The following SPARCL1 variants were observed in gnomAD, a reference collection of about 807,000 sequenced individuals.
The protein encoded by SPARCL1 is SPARC-like protein 1.
A neutral mutation model predicts 67.1 loss-of-function variants in SPARCL1; 52 were observed. The ratio of observed to expected loss-of-function variants is 0.78; its 90% CI spans 0.62 to 0.98. The LOEUF is 0.98. Among genes scored for constraint, SPARCL1 ranks in the 50% least tolerant of loss-of-function variants. The pLI, the probability that SPARCL1 is intolerant of heterozygous loss-of-function variation, is 0.00. For missense variants in SPARCL1, 717 were observed against 782.4 expected, an observed-to-expected ratio of 0.92 and a Z score of 1.00; for synonymous variants, 226 against 267.8, an observed-to-expected ratio of 0.84 and a Z score of 1.52.
chr4:87,475,770 T>C (rs114389412), intron 10 of SPARCL1, among the ~76,000 whole-genome samples: 1,940 of 152,296 alleles, frequency 0.013, 33 homozygotes, highest in African/African-American at 0.044. Context: ...AGAAAAAGAA[T>C]GCTTAGACAC....
intron 7 of SPARCL1, among the ~76,000 whole-genome samples, chr4:87,489,256 G>A (rs1209380493): frequency 1.3e-5 from 2 of 152,216 alleles, no homozygotes; most frequent in African/African-American, 2.4e-5. Flanking sequence ...TGTGGATTGC[G>A]AAGACTGTGG....
At chr4:87,520,101 G>A (rs755875131) in intron 1 of SPARCL1, among the ~76,000 whole-genome samples, 6 of 152,064 alleles carry the variant, frequency 3.9e-5, no homozygotes, top group Non-Finnish European at 4.4e-5. Context: ...CTAGCCAGGC[G>A]TGGTGACAGG....
intron 2 of SPARCL1, among the ~76,000 whole-genome samples, chr4:87,496,053 T>C (rs1283231500): frequency 3.3e-5 from 5 of 152,148 alleles, no homozygotes; most frequent in African/African-American, 1.2e-4. Flanking sequence ...CTAGCAAGAT[T>C]GGAGACTTGG....
intron 1 of SPARCL1, among the ~76,000 whole-genome samples, chr4:87,503,780 G>C (rs1318315737): frequency 6.7e-6 from 1 of 150,136 alleles, no homozygotes; most frequent in Non-Finnish European, 1.5e-5. Context: ...CTAGGCTCAA[G>C]TGATTCTCAT....
chr4:87,491,851 T>A (rs1257420471), intron 4 of SPARCL1, among the ~76,000 whole-genome samples, 161 bp from the exon 5 acceptor site: 2 of 151,556 alleles, frequency 1.3e-5, no homozygotes, highest in Non-Finnish European at 2.9e-5. Flanking sequence ...ACATGTGTAA[T>A]CCCAGCACTT....
chr4:87,487,087 T>A (rs922791815), intron 7 of SPARCL1, among the ~76,000 whole-genome samples: 5 of 151,846 alleles, frequency 3.3e-5, no homozygotes, highest in Non-Finnish European at 7.4e-5. Context: ...ATTTAGCCCG[T>A]TTACATTTAA....
chr4:87,508,138 A>G (rs949157825), intron 1 of SPARCL1, among the ~76,000 whole-genome samples: 1 of 152,216 alleles, frequency 6.6e-6, no homozygotes, highest in Non-Finnish European at 1.5e-5. Context: ...GTGTTTAGAC[A>G]AAAAGGGTAT....
chr4:87,479,370 G>A, intron 10 of SPARCL1, 60 bp downstream of exon 10: 1 of 1,553,460 alleles, frequency 6.4e-7, no homozygotes, highest in Non-Finnish European at 8.7e-7. Context: ...GAAGCATGCA[G>A]GGCTTAGGGC....
At position 87,494,516 on chromosome 4, in the gene SPARCL1, A is replaced by G; in HGVS notation, c.284T>C (p.Leu95Pro). 6.2e-7 allele frequency: 1 copy of G among 1,614,114 alleles called. No homozygotes were observed. The highest frequency in any genetic ancestry group is 1.1e-5 in the South Asian group (1 of 91,072). The change falls in exon 4 of 11, where the codon CTG becomes CCG. Residue 95 changes from leucine (L) to proline (P), a missense_variant. Coordinates refer to ENST00000282470, the MANE Select transcript of SPARCL1 (RefSeq NM_004684.6). ...ACTGTCCTCTTGATCCTTCAATCCC[A>G]GCTCTTGGCTAGAACTCTTGCCCTG... Reference protein sequence around the residue: ...AEQGKSSSQELGLKDQEDSDG... With the variant: ...AEQGKSSSQEPGLKDQEDSDG...
At chr4:87,484,149 C>G (rs7665919) in intron 7 of SPARCL1, among the ~76,000 whole-genome samples, 1 of 151,980 alleles carries the variant, frequency 6.6e-6, no homozygotes, top group Non-Finnish European at 1.5e-5. Flanking sequence ...AGTCATGAAG[C>G]CTTTGCCCAT....
At chr4:87,490,537 C>G in intron 6 of SPARCL1, 144 bp from the exon 7 acceptor site, 2 of 1,036,524 alleles carry the variant, frequency 1.9e-6, no homozygotes, top group Non-Finnish European at 2.8e-6. Flanking sequence ...GTAATTGTTC[C>G]ATTTGGCATC....
chr4:87,517,338 A>G (rs374406680), intron 1 of SPARCL1, among the ~76,000 whole-genome samples: 1 of 152,188 alleles, frequency 6.6e-6, no homozygotes, highest in Non-Finnish European at 1.5e-5. Flanking sequence ...AAACATATGT[A>G]TAAACTCTTG....
chr4:87,523,260 CA>C (rs10632447), intron 1 of SPARCL1, among the ~76,000 whole-genome samples: 80 of 140,278 alleles, frequency 5.7e-4, no homozygotes, highest in Middle Eastern at 3.7e-3. Context: ...GACTCTGTCT[CA>C]AAAAAAAAAA....
rs908416607 is a variant in SPARCL1 at position 87,495,007 on chromosome 4, A to T, written c.175T>A (p.Ser59Thr). The change falls in exon 3 of 11, where the codon TCC (serine) becomes ACC (threonine). Residue 59 changes from serine to threonine, a missense_variant. By Grantham distance (58) the Ser-to-Thr change is moderately conservative (BLOSUM62 1). Transcript: ENST00000282470. ...AEENEKETAV[S>T]TEDDSHHKAE... ...TTATGGTGGGAATCGTCTTCTGTGG[A>T]TACTGCTGTTTCTTTTTCATTTTCT... The T allele has an allele frequency of 6.2e-7, 1 of 1,611,744 alleles. No individual in the cohort carries two copies. Among genetic ancestry groups the T allele is most frequent in the Non-Finnish European group, 8.5e-7 (1 of 1,179,368 alleles).
intron 7 of SPARCL1, 25 bp downstream of exon 7, chr4:87,490,248 G>T (rs774923869): frequency 1.1e-5 from 17 of 1,592,938 alleles, no homozygotes; most frequent in Non-Finnish European, 1.4e-5. Flanking sequence ...AGAGATGATG[G>T]TTGACAGGAG....
At chr4:87,504,328 C>T (rs1298381429) in intron 1 of SPARCL1, among the ~76,000 whole-genome samples, 1 of 151,684 alleles carries the variant, frequency 6.6e-6, no homozygotes, top group Non-Finnish European at 1.5e-5. Context: ...TCTAAGTGAT[C>T]CTTCTGAAAA....
chr4:87,479,556 C>T lies in SPARCL1; in HGVS notation c.1840G>A (p.Ala614Thr), dbSNP rs1440356240. The T allele has an allele frequency of 2.5e-6, 4 of 1,614,070 alleles. No homozygotes were observed. The highest frequency in any genetic ancestry group is 3.4e-6 in the Non-Finnish European group (4 of 1,180,002). ...MDRVLTHSEL[A>T]PLRASLVPME... Reference sequence around the variant, plus strand: ...GGCACCAGAGATGCTCGCAGAGGAGCAAGTTCAGAATGTGTCAAGACTCTG... The same window carrying T: ...GGCACCAGAGATGCTCGCAGAGGAGTAAGTTCAGAATGTGTCAAGACTCTG... Residue 614 changes from alanine to threonine, a missense_variant, in exon 10 of 11, where the codon GCT becomes ACT. By Grantham distance (58) the Ala-to-Thr change is moderately conservative. Transcript: ENST00000282470.
chr4:87,490,186 C>T (rs1724255814), intron 7 of SPARCL1, 87 bp downstream of exon 7: 2 of 1,365,992 alleles, frequency 1.5e-6, no homozygotes, highest in Non-Finnish European at 9.7e-7. Flanking sequence ...CAGCTTTTCC[C>T]TGTTTGCATA....
At chr4:87,513,777 C>T (rs1725471267) in intron 1 of SPARCL1, among the ~76,000 whole-genome samples, 1 of 152,228 alleles carries the variant, frequency 6.6e-6, no homozygotes. Flanking sequence ...TTCCCAGGAG[C>T]TAGTTCCAGA....
Sources: gnomAD v4.1 joint callset for allele counts (sites outside exome capture counted in the v4.1 genomes callset) on GRCh38, gnomAD v4.1.1 for gene constraint, MANE v1.5 for transcripts, NCBI Gene and HGNC (gene_info 2026-07-23, HGNC 2026-07-21) for gene names.